Variants in SAMMSON observed in about 807,000 individuals in gnomAD.
SAMMSON encodes the protein long intergenic non-protein coding RNA 1212.
intron 6 of SAMMSON, among the ~76,000 whole-genome samples, chr3:70,287,666 T>C (rs1435120070): frequency 4.0e-5 from 6 of 151,878 alleles, no homozygotes; most frequent in Non-Finnish European, 4.4e-5. Context: ...TGGTAGAATT[T>C]GGCTGTGAAT....
chr3:70,290,641 G>A (rs181612260), intron 6 of SAMMSON, among the ~76,000 whole-genome samples: 3 of 152,290 alleles, frequency 2.0e-5, no homozygotes, highest in Non-Finnish European at 2.9e-5. Context: ...GGGCAATGGC[G>A]GGCGCCCCTC....
intron 4 of SAMMSON, among the ~76,000 whole-genome samples, chr3:70,145,131 A>C (rs2067543162): frequency 6.6e-6 from 1 of 152,128 alleles, no homozygotes; most frequent in Non-Finnish European, 1.5e-5. Flanking sequence ...AGGTCACAGA[A>C]AACCCAATGC....
At chr3:70,219,048 G>A (rs959537869) in intron 4 of SAMMSON, among the ~76,000 whole-genome samples, 4 of 152,022 alleles carry the variant, frequency 2.6e-5, no homozygotes, top group African/African-American at 9.7e-5. Flanking sequence ...TTTTAGTAAA[G>A]GCAGGTTTAA....
intron 3 of SAMMSON, among the ~76,000 whole-genome samples, chr3:70,018,131 A>G (rs932743646): frequency 2.0e-5 from 3 of 152,102 alleles, no homozygotes; most frequent in East Asian, 3.9e-4. Context: ...CTCTTTTTCT[A>G]TCAATTGGAA....
At chr3:70,208,224 G>T (rs865944474) in intron 4 of SAMMSON, among the ~76,000 whole-genome samples, 1 of 152,032 alleles carries the variant, frequency 6.6e-6, no homozygotes, top group African/African-American at 2.4e-5. Context: ...GGTGTCCTTG[G>T]GAATTGCATT....
chr3:70,358,398 C>G (rs1702845413), intron 9 of SAMMSON: 1 of 152,088 alleles, frequency 6.6e-6, no homozygotes, highest in African/African-American at 2.4e-5. Flanking sequence ...AGTGCTTTTT[C>G]CTCCTGAAAA....
intron 4 of SAMMSON, among the ~76,000 whole-genome samples, chr3:70,149,381 G>A (rs115032318): frequency 3.9e-5 from 6 of 152,160 alleles, no homozygotes; most frequent in East Asian, 1.9e-4. Context: ...TAGTGGCTTA[G>A]AACAGTCCCT....
chr3:70,418,999 C>CTTTCTT (rs1553664171), intron 2 of SAMMSON, among the ~76,000 whole-genome samples: 2 of 119,346 alleles, frequency 1.7e-5, no homozygotes, highest in East Asian at 2.8e-4. Flanking sequence ...CTCTCTCTCT[C>CTTTCTT]TCTTTCTTTC....
intron 7 of SAMMSON, among the ~76,000 whole-genome samples, chr3:70,348,302 G>A (rs1252677199): frequency 1.3e-5 from 2 of 152,162 alleles, no homozygotes; most frequent in Non-Finnish European, 2.9e-5. Context: ...CAGGGCAAAG[G>A]TTCTGTATTA....
At chr3:70,092,122 C>T (rs1017538664) in intron 4 of SAMMSON, among the ~76,000 whole-genome samples, 8 of 152,090 alleles carry the variant, frequency 5.3e-5, no homozygotes. Context: ...GGAAATGAAC[C>T]TCTCTGGTCT....
chr3:70,247,047 AT>A (rs1043540732), intron 4 of SAMMSON, among the ~76,000 whole-genome samples: 16 of 151,188 alleles, frequency 1.1e-4, no homozygotes, highest in East Asian at 9.7e-4. Context: ...AAGGATAGTT[AT>A]TTTTTTTTCT....
chr3:70,399,797 C>T (rs1701124021), intron 2 of SAMMSON, among the ~76,000 whole-genome samples: 1 of 151,118 alleles, frequency 6.6e-6, no homozygotes, highest in Admixed American at 6.6e-5. Context: ...ATCACTTGAA[C>T]CCGGGAGGCA....
At chr3:70,198,577 C>T (rs1701204346) in intron 4 of SAMMSON, among the ~76,000 whole-genome samples, 1 of 152,060 alleles carries the variant, frequency 6.6e-6, no homozygotes, top group East Asian at 1.9e-4. Flanking sequence ...AGAAATCTTT[C>T]TTCTTTCCTC....
chr3:70,212,372 A>T (rs1352110752), intron 4 of SAMMSON, among the ~76,000 whole-genome samples: 1 of 152,146 alleles, frequency 6.6e-6, no homozygotes, highest in Non-Finnish European at 1.5e-5. Flanking sequence ...AAACTGGAAT[A>T]ACTCTGGCTA....
chr3:70,209,001 T>C lies in SAMMSON; in HGVS notation n.508-40106T>C, dbSNP rs74875618. ...ATTGAAGTGGAATCAGCCCTACAGA[T>C]GAGAGAACACTAGGCTTCCTCTAAC... On this transcript the variant is annotated intron_variant and non_coding_transcript_variant, in intron 4 of 9. Coordinates refer to ENST00000642114, the Ensembl canonical transcript of SAMMSON. 2.5e-3 allele frequency among the ~76,000 whole-genome samples: 385 copies of C among 152,174 alleles called. 2 individuals are homozygous for C. The highest frequency in any genetic ancestry group is 9.1e-3 in the African/African-American group (377 of 41,542).
At chr3:70,046,127 C>G (rs1356552418) in intron 3 of SAMMSON, among the ~76,000 whole-genome samples, 1 of 152,228 alleles carries the variant, frequency 6.6e-6, no homozygotes, top group Non-Finnish European at 1.5e-5. Context: ...TTAACAATAT[C>G]CTCCACTGCA....
At chr3:70,062,438 C>T (rs1441216002) in intron 3 of SAMMSON, among the ~76,000 whole-genome samples, 2 of 152,060 alleles carry the variant, frequency 1.3e-5, no homozygotes, top group Non-Finnish European at 2.9e-5. Flanking sequence ...TCTATCCTCT[C>T]CTCCTTAAAA....
At chr3:70,085,028 A>G (rs1195790854) in intron 4 of SAMMSON, among the ~76,000 whole-genome samples, 1 of 152,186 alleles carries the variant, frequency 6.6e-6, no homozygotes, top group Non-Finnish European at 1.5e-5. Flanking sequence ...GGGAGGAATC[A>G]GTGATGGCAG....
In SAMMSON at chr3:70,307,318, G is replaced by A. The variant is rs114153725; in HGVS notation, n.739+16075G>A. ...CAGGAGACACTATAAGAAATCGTGT[G>A]CACTTCAAACGCTGACAATGCTGTG... On this transcript the variant is annotated intron_variant and non_coding_transcript_variant, in intron 7 of 9. Transcript: ENST00000642114. 2.6e-5 allele frequency among the ~76,000 whole-genome samples: 4 copies of A among 152,188 alleles called. No individual in the cohort carries two copies. The East Asian group carries it at 5.8e-4, about 22-fold the overall frequency.
Sources: allele counts gnomAD v4.1 joint callset (sites outside exome capture counted in the v4.1 genomes callset), GRCh38; gene constraint gnomAD v4.1.1; transcripts MANE v1.5; gene names NCBI Gene and HGNC (gene_info 2026-07-23, HGNC 2026-07-21).